The following SYNDIG1 variants were observed in gnomAD, a reference collection of about 807,000 sequenced individuals.
SYNDIG1 encodes synapse differentiation inducing 1, also known as synapse differentiation-inducing gene protein 1.
A neutral mutation model predicts 19.4 loss-of-function variants in SYNDIG1; 9 were observed. That is an observed-to-expected ratio of 0.46 (90% confidence interval 0.28 to 0.81). The LOEUF (loss-of-function observed/expected upper bound fraction) is 0.81. Among genes scored for constraint, SYNDIG1 ranks in the 30% least tolerant of loss-of-function variants. The pLI is 0.12. For synonymous variants in SYNDIG1, 141 were observed against 145.9 expected (o/e 0.97, Z 0.24); for missense variants, 311 against 343.3 (o/e 0.91, Z 0.74).
At chr20:24,479,156 G>T (rs1273796895) in intron 1 of SYNDIG1, among the ~76,000 whole-genome samples, 2 of 152,166 alleles carry the variant, frequency 1.3e-5, no homozygotes, top group Non-Finnish European at 2.9e-5. Context: ...GTAAAAACAA[G>T]GATGCAAATT....
intron 2 of SYNDIG1, among the ~76,000 whole-genome samples, chr20:24,563,930 G>A (rs906708813): frequency 6.6e-6 from 1 of 152,046 alleles, no homozygotes; most frequent in Admixed American, 6.5e-5. Context: ...TTGGTTGGGG[G>A]GACAGATTTG....
intron 2 of SYNDIG1, among the ~76,000 whole-genome samples, chr20:24,566,411 A>G (rs2058042795): frequency 6.6e-6 from 1 of 152,270 alleles, no homozygotes; most frequent in Non-Finnish European, 1.5e-5. Context: ...CTGAAGAAAT[A>G]AATGAAACTA....
chr20:24,657,703 C>T (rs958703988), intron 3 of SYNDIG1, among the ~76,000 whole-genome samples: 13 of 152,140 alleles, frequency 8.5e-5, no homozygotes, highest in East Asian at 3.8e-4. Flanking sequence ...AGAAGCCTCC[C>T]GTTCCTATAG....
At position 24,587,738 on chromosome 20, in the gene SYNDIG1, G is replaced by A. The variant is rs564817359; in HGVS notation, c.618+2745G>A. Among the ~76,000 whole-genome samples the A allele has an allele frequency of 2.0e-5, 3 of 152,332 alleles. No homozygotes were observed. In the South Asian group the frequency reaches 6.2e-4, roughly 32 times the overall value. On this transcript the variant is annotated intron_variant, in intron 3 of 3. Transcript: ENST00000376862. ...CCAGCACATCCTGCTGCCTTGTTGG[G>A]TCAAGGGGATGATGCACCTGGGCAA...
intron 3 of SYNDIG1, among the ~76,000 whole-genome samples, chr20:24,602,059 G>A (rs902930211): frequency 6.6e-6 from 1 of 150,984 alleles, no homozygotes; most frequent in African/African-American, 2.4e-5. Flanking sequence ...AACCCTTCTT[G>A]TATGTTTCAA....
chr20:24,505,714 C>T (rs1301232412), intron 1 of SYNDIG1, among the ~76,000 whole-genome samples: 20 of 152,200 alleles, frequency 1.3e-4, no homozygotes, highest in Non-Finnish European at 8.8e-5. Flanking sequence ...AGACCAAGTC[C>T]TGGACATCAG....
At chr20:24,592,848 A>G (rs1354130876) in intron 3 of SYNDIG1, among the ~76,000 whole-genome samples, 1 of 152,134 alleles carries the variant, frequency 6.6e-6, no homozygotes, top group Non-Finnish European at 1.5e-5. Flanking sequence ...CCTGGGCTCA[A>G]ATGATTCTCC....
intron 1 of SYNDIG1, among the ~76,000 whole-genome samples, chr20:24,514,026 G>A (rs570084158): frequency 1.8e-4 from 28 of 152,248 alleles, no homozygotes; most frequent in African/African-American, 6.7e-4. Flanking sequence ...GCCAAACTAA[G>A]CTTCATAAGT....
intron 2 of SYNDIG1, among the ~76,000 whole-genome samples, chr20:24,552,187 G>A (rs1351124883): frequency 1.3e-5 from 2 of 152,204 alleles, no homozygotes; most frequent in Admixed American, 1.3e-4. Flanking sequence ...TTGCTGAACT[G>A]TTGGCCATTT....
At chr20:24,501,328 G>T (rs534399728) in intron 1 of SYNDIG1, among the ~76,000 whole-genome samples, 1 of 152,336 alleles carries the variant, frequency 6.6e-6, no homozygotes, top group South Asian at 2.1e-4. Flanking sequence ...TCTGCAGCAT[G>T]CACAGGGCAG....
intron 3 of SYNDIG1, among the ~76,000 whole-genome samples, chr20:24,625,984 G>A (rs1487598136): frequency 1.3e-5 from 2 of 151,822 alleles, no homozygotes; most frequent in Middle Eastern, 3.4e-3. Context: ...CGGCTGGCCA[G>A]GCGGGGGGCT....
At chr20:24,590,892 C>G (rs1005361881) in intron 3 of SYNDIG1, among the ~76,000 whole-genome samples, 1 of 152,090 alleles carries the variant, frequency 6.6e-6, no homozygotes, top group Admixed American at 6.5e-5. Flanking sequence ...GGGACAGCAC[C>G]GAGGAGCGGA....
intron 3 of SYNDIG1, among the ~76,000 whole-genome samples, chr20:24,627,903 G>A (rs1371606051): frequency 1.3e-5 from 2 of 152,230 alleles, no homozygotes; most frequent in African/African-American, 2.4e-5. Flanking sequence ...GGAGATCCTC[G>A]GGCCGGAGAG....
chr20:24,649,162 G>A (rs1192439940), intron 3 of SYNDIG1, among the ~76,000 whole-genome samples: 1 of 152,218 alleles, frequency 6.6e-6, no homozygotes. Context: ...GCTTGTGTGA[G>A]ATCAGGAGAC....
chr20:24,637,120 C>T (rs928654679), intron 3 of SYNDIG1, among the ~76,000 whole-genome samples: 6 of 152,238 alleles, frequency 3.9e-5, no homozygotes, highest in Non-Finnish European at 8.8e-5. Context: ...CTCAGCAGCC[C>T]ACCCTTCCAG....
At chr20:24,504,480 G>A (rs1173118578) in intron 1 of SYNDIG1, among the ~76,000 whole-genome samples, 1 of 152,158 alleles carries the variant, frequency 6.6e-6, no homozygotes, top group Non-Finnish European at 1.5e-5. Flanking sequence ...AAACAAGCCC[G>A]ACTGAGCTCC....
intron 2 of SYNDIG1, among the ~76,000 whole-genome samples, chr20:24,554,823 T>G (rs1212910643): frequency 1.3e-5 from 2 of 151,544 alleles, no homozygotes; most frequent in South Asian, 4.2e-4. Context: ...CCTCTTAAAA[T>G]GAGTTAGGGA....
At chr20:24,654,133 G>A (rs915523064) in intron 3 of SYNDIG1, among the ~76,000 whole-genome samples, 3 of 152,154 alleles carry the variant, frequency 2.0e-5, no homozygotes, top group African/African-American at 7.2e-5. Flanking sequence ...TCAATACTAT[G>A]GAAAATCTCA....
intron 1 of SYNDIG1, among the ~76,000 whole-genome samples, chr20:24,474,383 T>G (rs1345173880): frequency 6.6e-6 from 1 of 152,028 alleles, no homozygotes; most frequent in African/African-American, 2.4e-5. Context: ...ACAGATAAGC[T>G]TCAGGATCAA....
Sources: allele counts gnomAD v4.1 joint callset (sites outside exome capture counted in the v4.1 genomes callset), GRCh38; gene constraint gnomAD v4.1.1; transcripts MANE v1.5; gene names NCBI Gene and HGNC (gene_info 2026-07-23, HGNC 2026-07-21).